Variants in MYLK4 observed in about 807,000 individuals in gnomAD.
MYLK4 encodes myosin light chain kinase family member 4.
A neutral mutation model predicts 48.1 loss-of-function variants in MYLK4; 46 were observed. That is an observed-to-expected ratio of 0.96 (90% confidence interval 0.75 to 1.22). The LOEUF is 1.22. Among genes scored for constraint, MYLK4 ranks in the 50% most tolerant of loss-of-function variants. The probability of loss-of-function intolerance (pLI) is 0.00; values close to 1 mark genes in which losing one functional copy is unlikely to be tolerated. For missense variants in MYLK4, 451 were observed against 486.1 expected, an observed-to-expected ratio of 0.93 and a Z score of 0.68; for synonymous variants, 170 against 180.8, an observed-to-expected ratio of 0.94 and a Z score of 0.48.
At chr6:2,764,129 C>CA in the MYLK4 span, among the ~76,000 whole-genome samples, 1 of 152,086 alleles carries the variant, frequency 6.6e-6, no homozygotes, top group East Asian at 1.9e-4. Flanking sequence ...AACTGCGTCT[C>CA]AAAAAAATAA....
At chr6:2,710,746 C>G (rs993941736) in intron 2 of MYLK4, among the ~76,000 whole-genome samples, 1 of 152,184 alleles carries the variant, frequency 6.6e-6, no homozygotes, top group Admixed American at 6.5e-5. Flanking sequence ...GAAACAAGAC[C>G]TAGACCAAAC....
the MYLK4 span, among the ~76,000 whole-genome samples, chr6:2,762,758 G>A: frequency 1.3e-5 from 2 of 152,150 alleles, no homozygotes; most frequent in South Asian, 2.1e-4. Flanking sequence ...CTTTCTGGTA[G>A]CTTCCTGATC....
In MYLK4 at chr6:2,671,366, C is replaced by A; in HGVS notation, c.1120-18G>T. ...TTCTTCTTCTAGGGAAAGCAGAAGGCATATGGGAAGGATTAGGACTGTTTC... is the reference window on the plus strand; with the variant it reads ...TTCTTCTTCTAGGGAAAGCAGAAGGAATATGGGAAGGATTAGGACTGTTTC... On this transcript the variant is annotated intron_variant, in intron 11 of 12. Transcript: ENST00000274643. 1 of 1,612,838 alleles carries A rather than the reference C, an allele frequency of 6.2e-7. No homozygotes were observed. Among genetic ancestry groups the A allele is most frequent in the Non-Finnish European group, 8.5e-7 (1 of 1,178,950 alleles).
chr6:2,736,237 A>C (rs1763669119), intron 2 of MYLK4, among the ~76,000 whole-genome samples: 1 of 152,228 alleles, frequency 6.6e-6, no homozygotes, highest in South Asian at 2.1e-4. Context: ...TTGCTTTAAA[A>C]TATTTGTTAT....
At chr6:2,683,836 A>G (rs561517087) in intron 6 of MYLK4, among the ~76,000 whole-genome samples, 139 of 152,226 alleles carry the variant, frequency 9.1e-4, no homozygotes, top group Non-Finnish European at 1.7e-3. Context: ...CCAAGCCCTG[A>G]CTGAAGGTAG....
chr6:2,766,217 G>A, the MYLK4 span: 16 of 1,476,096 alleles, frequency 1.1e-5, no homozygotes, highest in Admixed American at 9.5e-5. Context: ...AGCCGCCACC[G>A]CCTTCGGGGC....
intron 2 of MYLK4, among the ~76,000 whole-genome samples, chr6:2,717,690 A>G (rs1188967707): frequency 6.6e-6 from 1 of 152,186 alleles, no homozygotes; most frequent in African/African-American, 2.4e-5. Context: ...TCCCTTTTAT[A>G]GGAGAAAAAC....
At chr6:2,708,845 C>A (rs1189194289) in intron 2 of MYLK4, among the ~76,000 whole-genome samples, 1 of 152,148 alleles carries the variant, frequency 6.6e-6, no homozygotes, top group African/African-American at 2.4e-5. Flanking sequence ...TGATTTCTTT[C>A]TAAATAAGCT....
intron 2 of MYLK4, among the ~76,000 whole-genome samples, chr6:2,737,756 G>A (rs1763732259): frequency 3.3e-5 from 5 of 152,086 alleles, no homozygotes; most frequent in Admixed American, 2.6e-4. Context: ...AGAAGAAAAT[G>A]TCCTTCAGGA....
chr6:2,729,782 A>G (rs748902362), intron 2 of MYLK4, among the ~76,000 whole-genome samples: 2 of 152,094 alleles, frequency 1.3e-5, no homozygotes, highest in African/African-American at 2.4e-5. Context: ...GACAACCTAC[A>G]AAGAACCCTG....
chr6:2,754,876 G>A (rs1359116021), upstream of MYLK4, among the ~76,000 whole-genome samples: 1 of 152,246 alleles, frequency 6.6e-6, no homozygotes, highest in South Asian at 2.1e-4. Context: ...AGAGTCTCAC[G>A]CTTTTCTTCT....
rs189769496 is a variant in MYLK4 at position 2,715,137 on chromosome 6, G to A, written c.160-22278C>T. On this transcript the variant is annotated intron_variant, in intron 2 of 12. Transcript: ENST00000274643. ...AAATTGGCCAGGTGTGGTGGCAGGC[G>A]CCTGTGATCCCAGCTACTCAGGAAG... Among the ~76,000 whole-genome samples, 11 of 152,146 alleles carry A rather than the reference G, an allele frequency of 7.2e-5. No homozygotes were observed. In the East Asian group the frequency reaches 2.1e-3, roughly 29 times the overall value.
chr6:2,769,615 A>C, the MYLK4 span, among the ~76,000 whole-genome samples: 1 of 152,144 alleles, frequency 6.6e-6, no homozygotes, highest in Non-Finnish European at 1.5e-5. Flanking sequence ...ACGAGGCGTT[A>C]GCATTCTAGG....
At chr6:2,706,973 T>G (rs1327053890) in intron 2 of MYLK4, among the ~76,000 whole-genome samples, 2 of 152,244 alleles carry the variant, frequency 1.3e-5, no homozygotes, top group Non-Finnish European at 2.9e-5. Context: ...ATTTACTACA[T>G]GCAGCTGCGT....
the MYLK4 span, chr6:2,765,505 C>G: frequency 1.1e-5 from 14 of 1,252,150 alleles, no homozygotes; most frequent in South Asian, 3.3e-4. Flanking sequence ...CGCGAGCGTC[C>G]TGCTGGTTCC....
intron 2 of MYLK4, among the ~76,000 whole-genome samples, chr6:2,741,809 T>C (rs974927551): frequency 2.0e-5 from 3 of 152,210 alleles, no homozygotes; most frequent in Admixed American, 2.0e-4. Flanking sequence ...TACTCCTAAT[T>C]AACTCACACA....
chr6:2,683,609 G>A (rs1761413567), intron 6 of MYLK4, among the ~76,000 whole-genome samples: 1 of 152,046 alleles, frequency 6.6e-6, no homozygotes, highest in South Asian at 2.1e-4. Flanking sequence ...TAGTAGAGAT[G>A]GGTTTCACTG....
chr6:2,718,210 G>A (rs140675354), intron 2 of MYLK4, among the ~76,000 whole-genome samples: 1,822 of 150,114 alleles, frequency 0.012, 30 homozygotes, highest in African/African-American at 0.042. Context: ...AAGAAAAAGA[G>A]AAAGAAAAGA....
chr6:2,732,078 T>C (rs1763496346), intron 2 of MYLK4, among the ~76,000 whole-genome samples: 1 of 152,280 alleles, frequency 6.6e-6, no homozygotes, highest in Non-Finnish European at 1.5e-5. Context: ...AAAATGCACC[T>C]GGAGGATCAT....
Sources: gnomAD v4.1 joint callset for allele counts (sites outside exome capture counted in the v4.1 genomes callset) on GRCh38, gnomAD v4.1.1 for gene constraint, MANE v1.5 for transcripts, NCBI Gene and HGNC (gene_info 2026-07-23, HGNC 2026-07-21) for gene names.